Variants in EYS observed in about 807,000 individuals in gnomAD.
The protein encoded by EYS is EGF-like photoreceptor maintenance factor, also known as protein eyes shut homolog.
A neutral mutation model predicts 282.1 loss-of-function variants in EYS; 250 were observed. The ratio of observed to expected loss-of-function variants is 0.89; its 90% CI spans 0.80 to 0.98. The LOEUF is 0.98. Ranked by LOEUF, EYS falls within the 50% of genes least tolerant of loss-of-function variation. The pLI, the probability that EYS is intolerant of heterozygous loss-of-function variation, is 0.00. For synonymous variants in EYS, 1,355 were observed against 1,282.9 expected (o/e 1.06, Z -1.20); for missense variants, 4,016 against 3,709.0 (o/e 1.08, Z -2.15).
At chr6:64,026,935 A>G (rs1386234469) in intron 33 of EYS, among the ~76,000 whole-genome samples, 1 of 152,196 alleles carries the variant, frequency 6.6e-6, no homozygotes, top group Non-Finnish European at 1.5e-5. Flanking sequence ...TGATAGGTAC[A>G]TAGATGTCCT....
rs182288947 is a variant in EYS, at chr6:64,528,739, A to G, written c.5644+61484T>C. Among the ~76,000 whole-genome samples, 375 of 152,112 alleles carry G rather than the reference A, an allele frequency of 2.5e-3. 2 individuals carry two copies. The highest frequency in any genetic ancestry group is 3.5e-3 in the Non-Finnish European group (241 of 67,898). Reference sequence around the variant, plus strand: ...TACTCCTGGGTAATTTAATGAGGAAATAGCTGCTACCAGCCACTTTTTATT... The same window carrying G: ...TACTCCTGGGTAATTTAATGAGGAAGTAGCTGCTACCAGCCACTTTTTATT... On this transcript the variant is annotated intron_variant, in intron 26 of 42. Coordinates refer to ENST00000503581, the MANE Select transcript of EYS (RefSeq NM_001142800.2).
At chr6:65,615,543 T>C (rs1368803248) in intron 2 of EYS, among the ~76,000 whole-genome samples, 1 of 151,928 alleles carries the variant, frequency 6.6e-6, no homozygotes, top group Admixed American at 6.6e-5. Flanking sequence ...TTTTTAAATA[T>C]TATGTTTTCT....
In EYS at chr6:64,388,721, C is replaced by T. The variant is rs886061672; in HGVS notation, c.6047G>A (p.Gly2016Asp). Reference sequence around the variant, plus strand: ...TTTCCCATGAAGGTCTGGAAATCCACCAATGAAGACAGATCCTGATTTTGG... The same window carrying T: ...TTTCCCATGAAGGTCTGGAAATCCATCAATGAAGACAGATCCTGATTTTGG... ...PLPKSGSVFI[G>D]GFPDLHGKIQ... is the part of the protein sequence containing the mutation. The change falls in exon 29 of 43, where the codon GGT becomes GAT. Residue 2016 changes from glycine to aspartate, a missense_variant. By Grantham distance (94) the Gly-to-Asp change is moderately conservative. Transcript: ENST00000503581. 36 of 1,538,096 alleles carry T rather than the reference C, an allele frequency of 2.3e-5. No individual in the cohort carries two copies. The highest frequency in any genetic ancestry group is 3.0e-5 in the Non-Finnish European group (34 of 1,141,144).
chr6:64,580,366 T>A (rs1189172434), intron 26 of EYS, among the ~76,000 whole-genome samples: 1 of 152,124 alleles, frequency 6.6e-6, no homozygotes, highest in Non-Finnish European at 1.5e-5. Context: ...AAAAATTAAA[T>A]CTTCAAGGTT....
intron 22 of EYS, among the ~76,000 whole-genome samples, chr6:64,808,092 C>A (rs1471635210): frequency 6.7e-6 from 1 of 148,580 alleles, no homozygotes; most frequent in African/African-American, 2.5e-5. Context: ...TCCTCCCTTC[C>A]CTTCTTCCCT....
In EYS at chr6:64,003,924, A is replaced by G. The variant is rs148660108; in HGVS notation, c.6726-4741T>C. The stretch of plus-strand genomic sequence containing the variant: ...GGACATGTTTGCTTCCCCTTCTGCC[A>G]TAATTGTAAATTTCCTGAGGCCTCC... On this transcript the variant is annotated intron_variant, in intron 33 of 42. Transcript: ENST00000503581. 5.2e-3 allele frequency among the ~76,000 whole-genome samples: 789 copies of G among 152,290 alleles called. 4 individuals carry two copies. Among genetic ancestry groups the G allele is most frequent in the African/African-American group, 0.018 (740 of 41,558 alleles).
At chr6:64,467,637 A>T (rs943790580) in intron 26 of EYS, among the ~76,000 whole-genome samples, 3 of 152,052 alleles carry the variant, frequency 2.0e-5, no homozygotes, top group Non-Finnish European at 4.4e-5. Flanking sequence ...ACATCCACGC[A>T]CACATTCTGG....
chr6:65,495,865 CTTTTGTGTTTTCTCTT>C lies in EYS; in HGVS notation c.-220_-205del. 1.7e-5 allele frequency: 3 copies of C among 172,394 alleles called. No individual in the cohort carries two copies. Among genetic ancestry groups the C allele is most frequent in the South Asian group, 2.7e-4 (2 of 7,542 alleles). The allele number at this position is 172,394 out of a possible 1,614,324, so 10.7% of individuals were successfully genotyped here. ...AATTAAGCCAGCAACTTACTGCGGT[CTTTTGTGTTTTCTCTT>C]TACACCAAGCTTCAATCTAATCAAA... On this transcript the variant is annotated 5_prime_UTR_variant, in exon 3 of 43. Transcript: ENST00000503581.
At chr6:64,634,955 G>A (rs1296649284) in intron 22 of EYS, among the ~76,000 whole-genome samples, 1 of 152,098 alleles carries the variant, frequency 6.6e-6, no homozygotes, top group Non-Finnish European at 1.5e-5. Flanking sequence ...CTACCCATGA[G>A]CATGGAATGT....
chr6:65,294,790 CTA>C (rs1277161632), intron 12 of EYS, among the ~76,000 whole-genome samples: 1 of 151,804 alleles, frequency 6.6e-6, no homozygotes, highest in African/African-American at 2.4e-5. Flanking sequence ...TGATATATAT[CTA>C]TTTTCTAAGA....
At chr6:64,117,324 A>T (rs1773417809) in intron 31 of EYS, among the ~76,000 whole-genome samples, 1 of 118,572 alleles carries the variant, frequency 8.4e-6, no homozygotes, top group South Asian at 2.6e-4. Flanking sequence ...GAAAGAGAGG[A>T]ACAACCCCCC....
intron 26 of EYS, among the ~76,000 whole-genome samples, chr6:64,493,357 A>G (rs1394872006): frequency 6.6e-6 from 1 of 151,456 alleles, no homozygotes; most frequent in Non-Finnish European, 1.5e-5. Flanking sequence ...TAGAAAAGGG[A>G]GGCAGGATTA....
At chr6:65,414,715 T>G (rs1048580819) in intron 5 of EYS, among the ~76,000 whole-genome samples, 27 of 152,082 alleles carry the variant, frequency 1.8e-4, no homozygotes, top group African/African-American at 6.3e-4. Context: ...CCAAGTGAGG[T>G]TGGTTTATAG....
intron 12 of EYS, among the ~76,000 whole-genome samples, chr6:65,060,506 A>C (rs973521634): frequency 6.6e-6 from 1 of 151,898 alleles, no homozygotes; most frequent in Non-Finnish European, 1.5e-5. Flanking sequence ...CATGGTCTGT[A>C]CCTAGCCTTC....
chr6:64,944,992 G>T (rs868182282), intron 15 of EYS, among the ~76,000 whole-genome samples: 1 of 151,722 alleles, frequency 6.6e-6, no homozygotes, highest in South Asian at 2.1e-4. Flanking sequence ...TTATCACCCT[G>T]CCCTCCTACT....
intron 29 of EYS, among the ~76,000 whole-genome samples, chr6:64,320,336 G>C (rs1770168062): frequency 6.6e-6 from 1 of 151,500 alleles, no homozygotes. Context: ...TATCTGTTTA[G>C]GTCATTGAGT....
At chr6:65,208,865 T>C (rs573710535) in intron 12 of EYS, among the ~76,000 whole-genome samples, 5 of 151,914 alleles carry the variant, frequency 3.3e-5, no homozygotes, top group African/African-American at 1.2e-4. Context: ...ATGATGAATA[T>C]ACTAAAAGCC....
chr6:65,381,851 A>T (rs1023164609), intron 8 of EYS, among the ~76,000 whole-genome samples: 2 of 152,002 alleles, frequency 1.3e-5, no homozygotes, highest in African/African-American at 4.8e-5. Flanking sequence ...AATTTTAAGA[A>T]TTTTAAAAAT....
In EYS at chr6:65,550,144, T is replaced by TTTC. The variant is rs1216580545; in HGVS notation, c.-332-54152_-332-54151insGAA. On this transcript the variant is annotated intron_variant, in intron 2 of 42. Coordinates refer to ENST00000503581, the MANE Select transcript of EYS (RefSeq NM_001142800.2). ...AGTTAGTATCTGACTCTACTATATC[T>TTTC]TTTTTTTTTTTTTTTTTTTTTTTTT... is the stretch of plus-strand genomic sequence containing the variant. Among the ~76,000 whole-genome samples, 31 of 13,388 alleles carry TTTC rather than the reference T, an allele frequency of 2.3e-3. 5 individuals carry two copies. In the South Asian group the frequency reaches 0.028, roughly 12 times the overall value. 8.8% of individuals were successfully genotyped at this position (13,388 alleles called of 152,430 possible).
Sources: gnomAD v4.1 joint callset for allele counts (sites outside exome capture counted in the v4.1 genomes callset) on GRCh38, gnomAD v4.1.1 for gene constraint, MANE v1.5 for transcripts, NCBI Gene and HGNC (gene_info 2026-07-23, HGNC 2026-07-21) for gene names.